GPAT3: variants seen among roughly 807,000 people sequenced by gnomAD.
GPAT3 encodes the protein 1-AGP acyltransferase 9.
In GPAT3, 53 loss-of-function variants were observed where a neutral mutation model predicts 58.8. The ratio of observed to expected loss-of-function variants is 0.90; its 90% CI spans 0.72 to 1.13. The LOEUF (loss-of-function observed/expected upper bound fraction) is 1.13. Among genes scored for constraint, GPAT3 ranks in the 50% most tolerant of loss-of-function variants. The probability of loss-of-function intolerance (pLI) is 0.00; values close to 1 mark genes in which losing one functional copy is unlikely to be tolerated. For missense variants in GPAT3, 511 were observed against 527.6 expected, an observed-to-expected ratio of 0.97 and a Z score of 0.31; for synonymous variants, 197 against 187.4, an observed-to-expected ratio of 1.05 and a Z score of -0.42.
chr4:83,538,527 A>C (rs552838117), intron 1 of GPAT3, among the ~76,000 whole-genome samples: 1 of 152,158 alleles, frequency 6.6e-6, no homozygotes, highest in Non-Finnish European at 1.5e-5. Flanking sequence ...CTCATACAGC[A>C]ATGTCTTTTG....
At position 83,579,085 on chromosome 4, in the gene GPAT3, T is replaced by TC. The variant is rs1560621509; in HGVS notation, c.209-2475dup. On this transcript the variant is annotated intron_variant, in intron 2 of 11. Coordinates refer to ENST00000264409, the MANE Select transcript of GPAT3 (RefSeq NM_032717.5). ...TTCTTTCTTTCTTTCTTTCTTCCCT[T>TC]CCTTCCTTCCTTCCTTCCTTCCTTC... is the stretch of plus-strand genomic sequence containing the variant. 2.0e-3 allele frequency among the ~76,000 whole-genome samples: 122 copies of TC among 61,754 alleles called. 2 individuals carry two copies. Among genetic ancestry groups the TC allele is most frequent in the South Asian group, 6.8e-3 (9 of 1,316 alleles). 40.5% of individuals were successfully genotyped at this position (61,754 alleles called of 152,430 possible).
chr4:83,536,380 A>G lies in GPAT3; in HGVS notation c.-243A>G. 1.6e-6 allele frequency: 2 copies of G among 1,263,974 alleles called. No homozygotes were observed. The highest frequency in any genetic ancestry group is 2.0e-6 in the Non-Finnish European group (2 of 1,001,890). The allele number at this position is 1,263,974 out of a possible 1,614,324, so 78.3% of individuals were successfully genotyped here. Reference sequence around the variant, plus strand: ...GGTCTCCGCACGCCGCGGTGGCTTCAGCCCAGACCTGGGCAGCCAGCGGAG... The same window carrying G: ...GGTCTCCGCACGCCGCGGTGGCTTCGGCCCAGACCTGGGCAGCCAGCGGAG... On this transcript the variant is annotated 5_prime_UTR_variant, in exon 1 of 12. Coordinates refer to ENST00000264409, the MANE Select transcript of GPAT3 (RefSeq NM_032717.5).
chr4:83,540,268 A>T (rs746398531), intron 1 of GPAT3, among the ~76,000 whole-genome samples: 1 of 152,136 alleles, frequency 6.6e-6, no homozygotes, highest in Non-Finnish European at 1.5e-5. Flanking sequence ...TGGAAAGAGA[A>T]CTTGGTTGAT....
intron 2 of GPAT3, among the ~76,000 whole-genome samples, chr4:83,546,236 C>T (rs868370181): frequency 3.7e-4 from 56 of 152,250 alleles, no homozygotes; most frequent in African/African-American, 1.1e-3. Context: ...CCTCCCACCT[C>T]GGCCTCCCAA....
intron 2 of GPAT3, among the ~76,000 whole-genome samples, chr4:83,561,599 A>T (rs1176611198): frequency 6.6e-6 from 1 of 152,158 alleles, no homozygotes; most frequent in African/African-American, 2.4e-5. Context: ...CAAGTGTGTG[A>T]TGTGGGCAGG....
At chr4:83,555,877 AG>A (rs1488514081) in intron 2 of GPAT3, among the ~76,000 whole-genome samples, 3 of 152,148 alleles carry the variant, frequency 2.0e-5, no homozygotes, top group African/African-American at 7.2e-5. Flanking sequence ...CTGGTGTCGA[AG>A]AATTGTTTGG....
intron 3 of GPAT3, among the ~76,000 whole-genome samples, chr4:83,585,097 A>C (rs372244051): frequency 2.6e-5 from 4 of 152,198 alleles, no homozygotes; most frequent in African/African-American, 9.6e-5. Flanking sequence ...AAAGTTTTGC[A>C]TAATTGATGA....
At chr4:83,564,467 G>A (rs758836566) in intron 2 of GPAT3, among the ~76,000 whole-genome samples, 25 of 152,110 alleles carry the variant, frequency 1.6e-4, no homozygotes, top group Non-Finnish European at 2.9e-4. Flanking sequence ...GGGAGGCTGA[G>A]GCGGGAGGAT....
chr4:83,546,961 A>G, intron 2 of GPAT3, among the ~76,000 whole-genome samples: 1 of 152,014 alleles, frequency 6.6e-6, no homozygotes, highest in East Asian at 1.9e-4. Context: ...ACATACTAGT[A>G]TTTGGAGTCA....
In GPAT3 at chr4:83,536,619, A is replaced by G. The variant is rs1477380184; in HGVS notation, c.-4A>G. 6.2e-7 allele frequency: 1 copy of G among 1,611,492 alleles called. No individual in the cohort carries two copies. Among genetic ancestry groups the G allele is most frequent in the Admixed American group, 1.7e-5 (1 of 59,962 alleles). On this transcript the variant is annotated 5_prime_UTR_variant, in exon 1 of 12. Coordinates refer to ENST00000264409, the MANE Select transcript of GPAT3 (RefSeq NM_032717.5). Reference sequence around the variant, plus strand: ...GGACCTCTCCTGAGTGGGTGCGCCGAGTCATGGAGGGCGCAGAGCTGGCCG... The same window carrying G: ...GGACCTCTCCTGAGTGGGTGCGCCGGGTCATGGAGGGCGCAGAGCTGGCCG...
chr4:83,563,111 G>C (rs1725241199), intron 2 of GPAT3, among the ~76,000 whole-genome samples: 1 of 152,144 alleles, frequency 6.6e-6, no homozygotes, highest in African/African-American at 2.4e-5. Context: ...GTTTTACTTT[G>C]TTTTATCTTT....
intron 2 of GPAT3, among the ~76,000 whole-genome samples, chr4:83,569,251 C>T (rs1217333784): frequency 6.6e-6 from 1 of 152,130 alleles, no homozygotes; most frequent in Non-Finnish European, 1.5e-5. Context: ...AGTACAGGAC[C>T]TTGGAAGGAG....
intron 2 of GPAT3, among the ~76,000 whole-genome samples, chr4:83,561,250 A>G (rs537433540): frequency 1.3e-5 from 2 of 152,352 alleles, no homozygotes; most frequent in Admixed American, 6.5e-5. Flanking sequence ...AATAAAACAA[A>G]AACAAAACAG....
At chr4:83,604,445 A>G (rs190285377) in intron 11 of GPAT3, among the ~76,000 whole-genome samples, 9 of 152,342 alleles carry the variant, frequency 5.9e-5, no homozygotes, top group African/African-American at 2.2e-4. Flanking sequence ...TATTTTAACC[A>G]AACATCAGAG....
chr4:83,591,978 G>A (rs1726618490), intron 6 of GPAT3, among the ~76,000 whole-genome samples: 2 of 152,096 alleles, frequency 1.3e-5, no homozygotes, highest in Admixed American at 1.3e-4. Context: ...GCCCAAGAAA[G>A]CAAACCTACT....
intron 1 of GPAT3, among the ~76,000 whole-genome samples, chr4:83,537,650 C>T (rs1724155901): frequency 6.7e-6 from 1 of 150,020 alleles, no homozygotes; most frequent in African/African-American, 2.5e-5. Flanking sequence ...GAGACAGGGT[C>T]TTGCTATCTT....
intron 2 of GPAT3, among the ~76,000 whole-genome samples, chr4:83,572,433 C>T (rs1430189011): frequency 6.6e-6 from 1 of 152,094 alleles, no homozygotes; most frequent in East Asian, 1.9e-4. Context: ...ACCTTATACC[C>T]ATCACCCAAA....
chr4:83,568,261 T>A lies in GPAT3; in HGVS notation c.209-13301T>A, dbSNP rs186149294. Reference sequence around the variant, plus strand: ...GTTTCATAACTCGAATGCTTTTTTTTAAAATAGGCAATTGTGATTGAGTCA... The same window carrying A: ...GTTTCATAACTCGAATGCTTTTTTTAAAAATAGGCAATTGTGATTGAGTCA... On this transcript the variant is annotated intron_variant, in intron 2 of 11. Coordinates refer to ENST00000264409, the MANE Select transcript of GPAT3 (RefSeq NM_032717.5). Among the ~76,000 whole-genome samples, 6 of 152,274 alleles carry A rather than the reference T, an allele frequency of 3.9e-5. No homozygotes were observed. The East Asian group carries it at 5.8e-4, about 15-fold the overall frequency.
At chr4:83,588,173 C>G (rs367821579) in intron 4 of GPAT3, 37 bp from the exon 5 acceptor site, 2 of 1,584,448 alleles carry the variant, frequency 1.3e-6, no homozygotes, top group African/African-American at 2.7e-5. Flanking sequence ...TTAAGAGTGC[C>G]CAGAATGGCA....
Sources: gnomAD v4.1 joint callset for allele counts (sites outside exome capture counted in the v4.1 genomes callset) on GRCh38, gnomAD v4.1.1 for gene constraint, MANE v1.5 for transcripts, NCBI Gene and HGNC (gene_info 2026-07-23, HGNC 2026-07-21) for gene names.